DPP6: variants seen among roughly 807,000 people sequenced by gnomAD.
The protein encoded by DPP6 is dipeptidyl peptidase like 6.
A neutral mutation model predicts 122.6 loss-of-function variants in DPP6; 69 were observed. The ratio of observed to expected loss-of-function variants is 0.56; its 90% CI spans 0.46 to 0.69. DPP6 has a LOEUF of 0.69. DPP6 is among the 30% of genes least tolerant of loss of function. DPP6 has a pLI of 0.00. For missense variants in DPP6, 928 were observed against 1,116.9 expected (o/e 0.83, Z 2.41); for synonymous variants, 418 against 433.1 (o/e 0.97, Z 0.43).
intron 3 of DPP6, among the ~76,000 whole-genome samples, chr7:154,482,287 T>A (rs1029713025): frequency 6.6e-6 from 1 of 151,414 alleles, no homozygotes; most frequent in African/African-American, 2.4e-5. Flanking sequence ...ACAGGCTCTG[T>A]GGCAATGAAG....
At chr7:154,050,828 T>C (rs934711902), upstream of DPP6, among the ~76,000 whole-genome samples, 2 of 139,658 alleles carry the variant, frequency 1.4e-5, no homozygotes, top group Non-Finnish European at 3.1e-5. Context: ...TGTTTCTTCA[T>C]AGTAAAGGGT....
At position 154,876,042 on chromosome 7, in the gene DPP6, C is replaced by T. The variant is rs768484227; in HGVS notation, c.2020C>T (p.His674Tyr). The change falls in exon 20 of 26, where the codon CAC becomes TAC. Residue 674 changes from histidine to tyrosine, a missense_variant. His to Tyr is a moderately conservative substitution (Grantham distance 83). Transcript: ENST00000377770. ...GSGFQGTKLL[H>Y]EVRRRLGLLE... ...CGGCTTCCAAGGGACCAAGCTCCTG[C>T]ACGAAGTGAGGCGGCGGCTGGGCTT... 10 of 1,611,808 alleles carry T rather than the reference C, an allele frequency of 6.2e-6. No individual in the cohort carries two copies. Among genetic ancestry groups the T allele is most frequent in the East Asian group, 2.2e-5 (1 of 44,814 alleles).
At chr7:154,881,045 G>C (rs1458987815) in intron 21 of DPP6, 103 bp downstream of exon 21, 1 of 1,403,626 alleles carries the variant, frequency 7.1e-7, no homozygotes. Flanking sequence ...GTGGTCTGCT[G>C]GTGAGCAAGT....
At chr7:154,500,922 T>C (rs1329465492) in intron 3 of DPP6, among the ~76,000 whole-genome samples, 1 of 152,160 alleles carries the variant, frequency 6.6e-6, no homozygotes, top group Non-Finnish European at 1.5e-5. Flanking sequence ...ACTTGTTGAA[T>C]GTTGAATGGC....
chr7:154,613,978 G>T (rs912589859), intron 5 of DPP6, among the ~76,000 whole-genome samples: 1 of 152,140 alleles, frequency 6.6e-6, no homozygotes, highest in South Asian at 2.1e-4. Flanking sequence ...GCTGCTTTCC[G>T]CATTCCGCAT....
chr7:154,067,377 T>A (rs982785262), intron 1 of DPP6, among the ~76,000 whole-genome samples: 4 of 147,470 alleles, frequency 2.7e-5, no homozygotes, highest in African/African-American at 1.0e-4. Context: ...ATGATTAGGA[T>A]GATTCTTGAA....
chr7:154,828,274 C>T (rs752076105), intron 16 of DPP6, among the ~76,000 whole-genome samples: 2 of 152,088 alleles, frequency 1.3e-5, no homozygotes, highest in Non-Finnish European at 2.9e-5. Flanking sequence ...AAGTCCTTTG[C>T]CCTGTACTTG....
chr7:154,395,216 C>T (rs749631596), intron 1 of DPP6, among the ~76,000 whole-genome samples: 7 of 152,242 alleles, frequency 4.6e-5, no homozygotes, highest in Admixed American at 2.0e-4. Context: ...TAATCTTATC[C>T]GTGAACATTC....
intron 1 of DPP6, among the ~76,000 whole-genome samples, chr7:154,430,881 T>C (rs901227672): frequency 7.4e-6 from 1 of 135,332 alleles, no homozygotes; most frequent in Admixed American, 8.1e-5. Context: ...GATGTCTGAC[T>C]CATTCGAATG....
intron 1 of DPP6, among the ~76,000 whole-genome samples, chr7:154,423,012 G>A (rs771109029): frequency 6.6e-5 from 10 of 152,058 alleles, no homozygotes; most frequent in African/African-American, 2.2e-4. Context: ...GATGGTTCTC[G>A]GCTTGTTGAA....
intron 1 of DPP6, among the ~76,000 whole-genome samples, chr7:153,932,067 T>C (rs1236316405): frequency 1.3e-5 from 2 of 151,806 alleles, no homozygotes; most frequent in Admixed American, 6.6e-5. Flanking sequence ...TGAGAGTAAA[T>C]CTTCTATCTT....
At chr7:154,549,679 T>A (rs895082656) in intron 4 of DPP6, among the ~76,000 whole-genome samples, 4 of 152,180 alleles carry the variant, frequency 2.6e-5, no homozygotes, top group African/African-American at 9.7e-5. Context: ...CTTCTTTCCT[T>A]CCTTGGCTCT....
Position 154,218,092 on chromosome 7 carries a change from C to T in DPP6, c.243+165029C>T, listed in dbSNP as rs189459097. The stretch of plus-strand genomic sequence containing the variant: ...AAGCCCTTCGCATTTAAAATCCATC[C>T]ACCATCGTTTCCCCCATTTTATCAG... On this transcript the variant is annotated intron_variant, in intron 1 of 25. Transcript: ENST00000377770. Among the ~76,000 whole-genome samples the T allele has an allele frequency of 9.0e-4, 137 of 152,300 alleles. 1 individual carries two copies. Among genetic ancestry groups the T allele is most frequent in the African/African-American group, 3.1e-3 (129 of 41,566 alleles).
chr7:154,118,016 G>A (rs948700294), intron 1 of DPP6, among the ~76,000 whole-genome samples: 3 of 151,158 alleles, frequency 2.0e-5, no homozygotes, highest in East Asian at 3.9e-4. Context: ...ATCTGGTTGA[G>A]ATTGAACTTG....
intron 1 of DPP6, among the ~76,000 whole-genome samples, chr7:154,063,298 T>G (rs6951331): frequency 9.1e-6 from 1 of 109,996 alleles, no homozygotes; most frequent in African/African-American, 3.4e-5. Flanking sequence ...GGACCCCCCA[T>G]GAGGCGGGGA....
At position 154,855,239 on chromosome 7, in the gene DPP6, G is replaced by A. The variant is rs557244087; in HGVS notation, c.1714+1412G>A. Among the ~76,000 whole-genome samples, 10 of 152,292 alleles carry A rather than the reference G, an allele frequency of 6.6e-5. No individual in the cohort carries two copies. In the South Asian group the frequency reaches 1.9e-3, roughly 28 times the overall value. ...TAATCCCAAATAATGATGATAGTCTGCCAAGCTATCAAATCATTATTAGAA... is the reference window on the plus strand; with the variant it reads ...TAATCCCAAATAATGATGATAGTCTACCAAGCTATCAAATCATTATTAGAA... On this transcript the variant is annotated intron_variant, in intron 17 of 25. Transcript: ENST00000377770.
chr7:154,778,897 C>G (rs994920444), intron 10 of DPP6, among the ~76,000 whole-genome samples: 1 of 150,796 alleles, frequency 6.6e-6, no homozygotes, highest in African/African-American at 2.5e-5. Context: ...ACCTTCACCA[C>G]CATCACCACC....
At chr7:154,065,397 A>G (rs1467608940) in intron 1 of DPP6, among the ~76,000 whole-genome samples, 3 of 150,032 alleles carry the variant, frequency 2.0e-5, no homozygotes, top group African/African-American at 7.4e-5. Context: ...GCTGCCATAC[A>G]GGGTGAAAAC....
chr7:154,196,797 C>G (rs548992831), intron 1 of DPP6, among the ~76,000 whole-genome samples: 7 of 152,286 alleles, frequency 4.6e-5, no homozygotes, highest in African/African-American at 1.7e-4. Flanking sequence ...GCTCCCCAGG[C>G]TGGCTTTATA....
Sources: gnomAD v4.1 joint callset for allele counts (sites outside exome capture counted in the v4.1 genomes callset) on GRCh38, gnomAD v4.1.1 for gene constraint, MANE v1.5 for transcripts, NCBI Gene and HGNC (gene_info 2026-07-23, HGNC 2026-07-21) for gene names.